Variants in NAALADL2 observed in about 807,000 individuals in gnomAD.
NAALADL2 encodes inactive N-acetylated-alpha-linked acidic dipeptidase-like protein 2.
NAALADL2 carries 76 observed loss-of-function variants against 87.2 expected under a neutral mutation model. That is an observed-to-expected ratio of 0.87 (90% CI 0.72 to 1.05). The LOEUF is 1.05. NAALADL2 is among the 50% of genes least tolerant of loss of function. The pLI is 0.00. For missense variants in NAALADL2, 1,089 were observed against 945.8 expected (o/e 1.15, Z -1.99); for synonymous variants, 354 against 331.0 (o/e 1.07, Z -0.75).
In NAALADL2 at chr3:175,743,414, G is replaced by T. The variant is rs187695704; in HGVS notation, c.1990+6015G>T. On this transcript the variant is annotated intron_variant, in intron 12 of 13. Transcript: ENST00000454872. ...AAGGTGCCATATTTTGGGATAGGGT[G>T]TCCTGAACCCCATCACAGGCATAGA... 3.9e-4 allele frequency among the ~76,000 whole-genome samples: 59 copies of T among 152,288 alleles called. No homozygotes were observed. In the East Asian group the frequency reaches 5.0e-3, roughly 13 times the overall value.
At chr3:174,890,224 A>G (rs1194430075) in intron 1 of NAALADL2, among the ~76,000 whole-genome samples, 1 of 152,214 alleles carries the variant, frequency 6.6e-6, no homozygotes, top group Non-Finnish European at 1.5e-5. Flanking sequence ...AGTTGAAGTT[A>G]CAATATATTG....
In NAALADL2 at chr3:175,471,651, GT is replaced by G; in HGVS notation, c.1548del (p.Leu517PhefsTer15). On this transcript the variant is annotated frameshift_variant, in exon 9 of 14. Coordinates refer to ENST00000454872, the MANE Select transcript of NAALADL2 (RefSeq NM_207015.3). LOFTEE classifies it high-confidence loss of function. ...TTTGTTATTTCAGGATTTCAAGAAGGTTCTTCAGAAAAATGTTGTGGCTTAT... is the reference window on the plus strand; with the variant it reads ...TTTGTTATTTCAGGATTTCAAGAAGGTCTTCAGAAAAATGTTGTGGCTTAT... ...SYEWGEDFKK[V>X]LQKNVVAYIS... 6.7e-7 allele frequency: 1 copy of G among 1,493,828 alleles called. No homozygotes were observed. Among genetic ancestry groups the G allele is most frequent in the Non-Finnish European group, 9.3e-7 (1 of 1,076,406 alleles). 92.5% of individuals were successfully genotyped at this position (1,493,828 alleles called of 1,614,324 possible).
At chr3:175,721,329 G>T (rs1742210957) in intron 11 of NAALADL2, among the ~76,000 whole-genome samples, 1 of 152,088 alleles carries the variant, frequency 6.6e-6, no homozygotes, top group Admixed American at 6.6e-5. Context: ...AGTAAAGAAA[G>T]CTCATTGTCT....
intron 2 of NAALADL2, among the ~76,000 whole-genome samples, chr3:175,105,717 A>G (rs1010990625): frequency 2.7e-5 from 4 of 150,546 alleles, no homozygotes; most frequent in African/African-American, 9.8e-5. Flanking sequence ...TTATCTATGT[A>G]CTCATAGCAT....
intron 10 of NAALADL2, among the ~76,000 whole-genome samples, chr3:175,591,784 GTATATATATATATA>G (rs57196350): frequency 0.012 from 1,627 of 137,090 alleles, 53 homozygotes; most frequent in African/African-American, 0.042. Context: ...GTGTGTGTGT[GTATATATATATATA>G]TATATATATA....
At chr3:175,637,481 A>C (rs896879392) in intron 11 of NAALADL2, among the ~76,000 whole-genome samples, 8 of 152,182 alleles carry the variant, frequency 5.3e-5, no homozygotes, top group African/African-American at 1.7e-4. Flanking sequence ...AGGTGTTTGG[A>C]TCATGGAGGC....
At chr3:175,207,390 T>C (rs1741105236) in intron 2 of NAALADL2, among the ~76,000 whole-genome samples, 1 of 152,122 alleles carries the variant, frequency 6.6e-6, no homozygotes, top group Admixed American at 6.6e-5. Flanking sequence ...CCAAATATCA[T>C]ATTAAAAGTT....
Position 175,097,011 on chromosome 3 carries a change from C to T in NAALADL2, c.265C>T (p.Pro89Ser), listed in dbSNP as rs767910178. The stretch of plus-strand genomic sequence containing the variant: ...AGACCTCAATCTTGATTCCATTCAA[C>T]CAGCAACTTCACCCAAAGGAAGGTT... ...TIDLNLDSIQPATSPKGRFQR... is the reference protein window; with the variant it reads ...TIDLNLDSIQSATSPKGRFQR... Residue 89 changes from proline (P) to serine (S), a missense_variant, in exon 2 of 14, where the codon CCA becomes TCA. Pro to Ser is a moderately conservative substitution (Grantham distance 74, BLOSUM62 -1). Coordinates refer to ENST00000454872, the MANE Select transcript of NAALADL2 (RefSeq NM_207015.3). 14 of 1,613,526 alleles carry T rather than the reference C, an allele frequency of 8.7e-6. No individual in the cohort carries two copies. The South Asian group carries it at 1.5e-4, about 18-fold the overall frequency.
intron 1 of NAALADL2, among the ~76,000 whole-genome samples, chr3:174,877,760 C>T (rs1298640055): frequency 6.6e-6 from 1 of 152,034 alleles, no homozygotes; most frequent in Non-Finnish European, 1.5e-5. Context: ...CAATGGATAG[C>T]AGCTAGAAAT....
intron 3 of NAALADL2, among the ~76,000 whole-genome samples, chr3:174,768,974 C>T (rs1245660457): frequency 6.6e-6 from 1 of 151,416 alleles, no homozygotes; most frequent in Non-Finnish European, 1.5e-5. Context: ...CTATGGGTTG[C>T]TTTTCTTTTT....
At chr3:175,302,729 A>G (rs1026983443) in intron 4 of NAALADL2, among the ~76,000 whole-genome samples, 2 of 152,080 alleles carry the variant, frequency 1.3e-5, no homozygotes, top group East Asian at 3.8e-4. Flanking sequence ...GAGATATTTT[A>G]TAAGTACTGG....
At chr3:175,458,018 G>A (rs1420398754) in intron 6 of NAALADL2, among the ~76,000 whole-genome samples, 1 of 151,980 alleles carries the variant, frequency 6.6e-6, no homozygotes, top group Non-Finnish European at 1.5e-5. Flanking sequence ...TCAAATGTTA[G>A]GCAGTAATAG....
intron 1 of NAALADL2, among the ~76,000 whole-genome samples, chr3:175,005,635 A>G (rs942833360): frequency 6.6e-6 from 1 of 152,226 alleles, no homozygotes; most frequent in Non-Finnish European, 1.5e-5. Context: ...ACTCTCTTCC[A>G]AAACACTCCT....
intron 5 of NAALADL2, among the ~76,000 whole-genome samples, chr3:175,354,903 C>CAT (rs1335119559): frequency 6.7e-6 from 1 of 148,722 alleles, no homozygotes; most frequent in East Asian, 2.0e-4. Flanking sequence ...CACACACACA[C>CAT]ATATACACAC....
chr3:174,973,268 C>T (rs1303443670), intron 1 of NAALADL2, among the ~76,000 whole-genome samples: 1 of 152,058 alleles, frequency 6.6e-6, no homozygotes, highest in African/African-American at 2.4e-5. Flanking sequence ...CTGGTTCATT[C>T]TGCTTGTATT....
chr3:174,736,584 T>C (rs1055059240), intron 2 of NAALADL2, among the ~76,000 whole-genome samples: 1 of 152,068 alleles, frequency 6.6e-6, no homozygotes, highest in Admixed American at 6.6e-5. Context: ...GGTTGTCCTG[T>C]CATCTCCTTG....
chr3:174,661,046 T>C (rs1410780528), intron 2 of NAALADL2, among the ~76,000 whole-genome samples: 3 of 152,138 alleles, frequency 2.0e-5, no homozygotes, highest in Non-Finnish European at 4.4e-5. Context: ...ACTAGGTATG[T>C]AGAGGCCTTA....
intron 1 of NAALADL2, among the ~76,000 whole-genome samples, chr3:174,936,995 A>G (rs1040740671): frequency 1.3e-5 from 2 of 152,246 alleles, no homozygotes; most frequent in Admixed American, 1.3e-4. Flanking sequence ...TCCTTTACCT[A>G]TAACTCCAAA....
At chr3:175,505,353 AC>A (rs1463670188) in intron 9 of NAALADL2, among the ~76,000 whole-genome samples, 1 of 152,090 alleles carries the variant, frequency 6.6e-6, no homozygotes, top group African/African-American at 2.4e-5. Context: ...AGCCCCAACT[AC>A]CATCTAACAA....
Sources: gnomAD v4.1 joint callset for allele counts (sites outside exome capture counted in the v4.1 genomes callset) on GRCh38, gnomAD v4.1.1 for gene constraint, MANE v1.5 for transcripts, NCBI Gene and HGNC (gene_info 2026-07-23, HGNC 2026-07-21) for gene names.